The following ERBB4 variants were observed in gnomAD, a reference collection of about 807,000 sequenced individuals.
ERBB4 encodes the protein receptor tyrosine-protein kinase erbB-4.
In ERBB4, 42 loss-of-function variants were observed where a neutral mutation model predicts 158.0. That is an observed-to-expected ratio of 0.27 (90% CI 0.21 to 0.34). The LOEUF is 0.34. ERBB4 is among the 10% of genes least tolerant of loss of function. The probability of loss-of-function intolerance (pLI) is 1.00; values close to 1 mark genes in which losing one functional copy is unlikely to be tolerated. For synonymous variants in ERBB4, 583 were observed against 558.7 expected (o/e 1.04, Z -0.61); for missense variants, 1,333 against 1,624.1 (o/e 0.82, Z 3.08).
intron 2 of ERBB4, among the ~76,000 whole-genome samples, chr2:211,979,022 A>G (rs1310582127): frequency 6.6e-6 from 1 of 152,214 alleles, no homozygotes; most frequent in East Asian, 1.9e-4. Context: ...TAGTTCTTAG[A>G]AAAATGAGTG....
chr2:211,616,427 C>A (rs915432736), intron 19 of ERBB4, among the ~76,000 whole-genome samples: 1 of 152,122 alleles, frequency 6.6e-6, no homozygotes, highest in Non-Finnish European at 1.5e-5. Context: ...CAAACTAACA[C>A]AAGTTAAACT....
intron 1 of ERBB4, among the ~76,000 whole-genome samples, chr2:212,272,714 A>T (rs1164803772): frequency 6.6e-6 from 1 of 151,814 alleles, no homozygotes; most frequent in Non-Finnish European, 1.5e-5. Flanking sequence ...TGATTCAATA[A>T]TCCATAAAAT....
rs376653334 is a variant in ERBB4, at chr2:212,281,318, G to T, written c.83-156415C>A. On this transcript the variant is annotated intron_variant, in intron 1 of 27. Coordinates refer to ENST00000342788, the MANE Select transcript of ERBB4 (RefSeq NM_005235.3). Reference sequence around the variant, plus strand: ...GTAAAATGTAGAAGTGAGATGTTACGGGAATTAGTGTAAAATTTTAAAAGT... The same window carrying T: ...GTAAAATGTAGAAGTGAGATGTTACTGGAATTAGTGTAAAATTTTAAAAGT... Among the ~76,000 whole-genome samples the T allele has an allele frequency of 7.9e-5, 12 of 151,586 alleles. No homozygotes were observed. The Admixed American group carries it at 7.9e-4, about 10-fold the overall frequency.
At chr2:212,271,366 T>C (rs1395838628) in intron 1 of ERBB4, among the ~76,000 whole-genome samples, 1 of 151,762 alleles carries the variant, frequency 6.6e-6, no homozygotes, top group African/African-American at 2.4e-5. Context: ...AGGAAAGTAT[T>C]TTTTCATATG....
chr2:211,609,155 C>G (rs2069096969), intron 19 of ERBB4, among the ~76,000 whole-genome samples: 1 of 152,100 alleles, frequency 6.6e-6, no homozygotes, highest in Non-Finnish European at 1.5e-5. Flanking sequence ...GCCATAGAAC[C>G]TAGAATCCCT....
At chr2:212,085,639 T>C (rs2078581701) in intron 2 of ERBB4, among the ~76,000 whole-genome samples, 1 of 151,914 alleles carries the variant, frequency 6.6e-6, no homozygotes, top group Non-Finnish European at 1.5e-5. Flanking sequence ...ATGAATAGAT[T>C]AAAAATAAAA....
chr2:211,835,772 C>A (rs1173146802), intron 3 of ERBB4, among the ~76,000 whole-genome samples: 1 of 151,734 alleles, frequency 6.6e-6, no homozygotes. Flanking sequence ...GATTCAGTAC[C>A]GTGAAGTAGG....
chr2:211,636,181 AT>A (rs1196647437), intron 16 of ERBB4, among the ~76,000 whole-genome samples: 3 of 151,390 alleles, frequency 2.0e-5, no homozygotes, highest in South Asian at 2.1e-4. Flanking sequence ...TTTAACAGGG[AT>A]TTTTTTTTGT....
chr2:211,914,887 G>T (rs1399856876), intron 3 of ERBB4, among the ~76,000 whole-genome samples: 1 of 151,984 alleles, frequency 6.6e-6, no homozygotes, highest in Non-Finnish European at 1.5e-5. Context: ...CAGAACAGAG[G>T]AGTAAGCAAC....
chr2:212,537,748 C>CTT (rs10639453), intron 1 of ERBB4, among the ~76,000 whole-genome samples: 61,268 of 143,352 alleles, frequency 0.43, 13,746 homozygotes, highest in African/African-American at 0.55. Context: ...TGTGCCAAGC[C>CTT]TTTTTTTTTT....
chr2:212,102,732 G>A (rs1172851463), intron 2 of ERBB4, among the ~76,000 whole-genome samples: 1 of 152,086 alleles, frequency 6.6e-6, no homozygotes, highest in Non-Finnish European at 1.5e-5. Context: ...CCTAAGTGGA[G>A]CTATAGATCT....
intron 2 of ERBB4, among the ~76,000 whole-genome samples, chr2:212,119,228 A>G (rs2079668539): frequency 6.6e-6 from 1 of 152,178 alleles, no homozygotes; most frequent in Admixed American, 6.5e-5. Context: ...CGTTATAGCA[A>G]TGACTGAGGA....
chr2:212,377,521 T>G (rs1429233690), intron 1 of ERBB4, among the ~76,000 whole-genome samples: 4 of 151,830 alleles, frequency 2.6e-5, no homozygotes, highest in African/African-American at 9.7e-5. Context: ...ATGGTAAATG[T>G]TTGTGTATTT....
intron 1 of ERBB4, among the ~76,000 whole-genome samples, chr2:212,149,927 A>G (rs886168359): frequency 3.3e-5 from 5 of 152,296 alleles, no homozygotes; most frequent in African/African-American, 1.2e-4. Flanking sequence ...GAGGACAGGG[A>G]CCATGTTTAT....
intron 20 of ERBB4, among the ~76,000 whole-genome samples, chr2:211,549,183 G>A (rs2067016819): frequency 6.6e-6 from 1 of 152,074 alleles, no homozygotes; most frequent in South Asian, 2.1e-4. Context: ...TTTTTGTACT[G>A]CAAGATGTAA....
At chr2:212,014,451 G>A (rs1460695537) in intron 2 of ERBB4, among the ~76,000 whole-genome samples, 1 of 152,168 alleles carries the variant, frequency 6.6e-6, no homozygotes, top group Non-Finnish European at 1.5e-5. Flanking sequence ...GAAACTGGAT[G>A]ATTAAATTTG....
At chr2:212,243,670 G>A (rs559644994) in intron 1 of ERBB4, among the ~76,000 whole-genome samples, 19 of 152,100 alleles carry the variant, frequency 1.2e-4, no homozygotes, top group African/African-American at 4.3e-4. Flanking sequence ...TGTAATAGTT[G>A]CTCTGAATTT....
chr2:212,009,300 G>A (rs1362963316), intron 2 of ERBB4, among the ~76,000 whole-genome samples: 1 of 151,766 alleles, frequency 6.6e-6, no homozygotes, highest in East Asian at 1.9e-4. Flanking sequence ...AAAAACAGGT[G>A]TCCTTATGAG....
intron 5 of ERBB4, among the ~76,000 whole-genome samples, chr2:211,742,144 G>A (rs1575080591): frequency 1.3e-5 from 2 of 152,324 alleles, no homozygotes; most frequent in East Asian, 3.9e-4. Context: ...TATCCTGATT[G>A]ATGGGGCCTG....
Sources: gnomAD v4.1 joint callset for allele counts (sites outside exome capture counted in the v4.1 genomes callset) on GRCh38, gnomAD v4.1.1 for gene constraint, MANE v1.5 for transcripts, NCBI Gene and HGNC (gene_info 2026-07-23, HGNC 2026-07-21) for gene names.